Variants in KLHL15 observed in about 807,000 individuals in gnomAD.
KLHL15 encodes kelch like family member 15.
Under a neutral mutation model 29.3 loss-of-function variants are expected in KLHL15, and 1 was observed. That is an observed-to-expected ratio of 0.03 (90% CI 0.01 to 0.16). KLHL15 has a LOEUF of 0.16. Among genes scored for constraint, KLHL15 ranks in the 10% least tolerant of loss-of-function variants. KLHL15 has a pLI of 1.00. For missense variants in KLHL15, 215 were observed against 478.5 expected, an observed-to-expected ratio of 0.45 and a Z score of 5.14; for synonymous variants, 212 against 184.5, an observed-to-expected ratio of 1.15 and a Z score of -1.21.
rs1437021505 is a variant in KLHL15 at position 24,006,353 on chromosome X, A to G, written c.341T>C (p.Ile114Thr). Reference sequence around the variant, plus strand: ...AGAGCAGCAGAACTTCACCACTTCTATAAGTTGAACATACATGGCAGCCTG... The same window carrying G: ...AGAGCAGCAGAACTTCACCACTTCTGTAAGTTGAACATACATGGCAGCCTG... ...ILQAAMYVQL[I>T]EVVKFCCSFL... is the part of the protein sequence containing the mutation. Residue 114 changes from isoleucine to threonine, a missense_variant, in exon 3 of 4, where the codon ATA (isoleucine) becomes ACA (threonine). By Grantham distance (89) the Ile-to-Thr change is moderately conservative (BLOSUM62 -1). Coordinates refer to ENST00000328046, the MANE Select transcript of KLHL15 (RefSeq NM_030624.3). 1.5e-5 allele frequency: 18 copies of G among 1,209,664 alleles called. No homozygotes were observed. The highest frequency in any genetic ancestry group is 1.8e-5 in the Non-Finnish European group (16 of 894,748).
intron 2 of KLHL15, among the ~76,000 whole-genome samples, chrX:24,017,049 C>T (rs1422493561): frequency 1.8e-5 from 2 of 109,428 alleles, no homozygotes; most frequent in African/African-American, 3.3e-5. Flanking sequence ...ATCAAAACCC[C>T]GTCTCTACAA....
At chrX:23,990,993 A>G (rs1036014987) in intron 3 of KLHL15, among the ~76,000 whole-genome samples, 4 of 110,825 alleles carry the variant, frequency 3.6e-5, no homozygotes, top group African/African-American at 1.3e-4. Context: ...TGGGCTTCAC[A>G]ACATCAGCAA....
intron 3 of KLHL15, among the ~76,000 whole-genome samples, chrX:23,993,429 T>C (rs995211251): frequency 9.0e-6 from 1 of 111,519 alleles, no homozygotes; most frequent in Non-Finnish European, 1.9e-5. Context: ...CAGTTTCCTG[T>C]TGAATTTTTG....
rs766399646 is a variant in KLHL15 at position 23,989,025 on chromosome X, C to T, written c.711G>A (p.Lys237=). The T allele has an allele frequency of 3.4e-6, 4 of 1,189,241 alleles. No individual in the cohort carries two copies. Among genetic ancestry groups the T allele is most frequent in the Middle Eastern group, 2.4e-4 (1 of 4,238 alleles). ...GGGAGTATCTATAAAATTCTGATGT[C>T]TTAACCTAAGAACACAAGAAAAAGA... The part of the protein sequence containing the change: ...MTPTSVFEKV[K]TSEFYRYSRQ... The change falls in exon 4 of 4, where the codon AAG becomes AAA. Residue 237 remains lysine (K), a synonymous_variant. Transcript: ENST00000328046.
rs767545496 is a variant in KLHL15, at chrX:24,006,683, T to A, written c.11A>T (p.Asp4Val). The A allele has an allele frequency of 8.4e-7, 1 of 1,186,208 alleles. No individual in the cohort carries two copies. The highest frequency in any genetic ancestry group is 1.9e-5 in the South Asian group (1 of 53,577). ...GATGGAGGAACAGAATCCTTCCACG[T>A]CCCCTGCCATGAATCACCTGGAAAA... Reference protein sequence around the residue: MAGDVEGFCSSIHD... With the variant: MAGVVEGFCSSIHD... The change falls in exon 3 of 4, where the codon GAC becomes GTC. Residue 4 changes from aspartate (D) to valine (V), a missense_variant. Physicochemically the swap from Asp to Val is radical, Grantham distance 152. Transcript: ENST00000328046.
intron 2 of KLHL15, 70 bp downstream of exon 2, chrX:24,024,787 T>C (rs1014246192): frequency 6.7e-6 from 2 of 296,549 alleles, no homozygotes; most frequent in African/African-American, 2.7e-5. Context: ...GGCCGGCGAA[T>C]TCGTGCCTAG....
chrX:23,994,026 AAC>A (rs1929137098), intron 3 of KLHL15, among the ~76,000 whole-genome samples: 1 of 103,685 alleles, frequency 9.6e-6, no homozygotes, highest in Non-Finnish European at 2.0e-5. Flanking sequence ...CAGCCTGGGC[AAC>A]AGAGTGAGAC....
rs1386701064 is a variant in KLHL15 at position 23,984,286 on chromosome X, G to A, written c.*3635C>T. 1 of 111,720 alleles carries A rather than the reference G, an allele frequency of 9.0e-6. No individual in the cohort carries two copies. Among genetic ancestry groups the A allele is most frequent in the East Asian group, 2.8e-4 (1 of 3,604 alleles). 9.2% of individuals were successfully genotyped at this position (111,720 alleles called of 1,213,427 possible). A position where few individuals can be genotyped will look rare whatever the true frequency, so the allele number is the denominator to read the frequency against. On this transcript the variant is annotated 3_prime_UTR_variant, in exon 4 of 4. Coordinates refer to ENST00000328046, the MANE Select transcript of KLHL15 (RefSeq NM_030624.3). ...TCCAGTCTATGCCTACTGAATATTT[G>A]ACTTTATAAACTCTGGATAAACTAA...
chrX:23,985,261 A>G lies in KLHL15; in HGVS notation c.*2660T>C. 8.9e-6 allele frequency: 1 copy of G among 111,961 alleles called. No homozygotes were observed. Among genetic ancestry groups the G allele is most frequent in the Non-Finnish European group, 1.9e-5 (1 of 53,158 alleles). 9.2% of individuals were successfully genotyped at this position (111,961 alleles called of 1,213,427 possible). ...TTCAAATCTTACTGAATTTTTCAAAAAACTACTTTTTTGAGCGCAATGTAT... is the reference window on the plus strand; with the variant it reads ...TTCAAATCTTACTGAATTTTTCAAAGAACTACTTTTTTGAGCGCAATGTAT... On this transcript the variant is annotated 3_prime_UTR_variant, in exon 4 of 4. Transcript: ENST00000328046.
At chrX:24,003,498 A>G (rs1367588783) in intron 3 of KLHL15, among the ~76,000 whole-genome samples, 1 of 106,353 alleles carries the variant, frequency 9.4e-6, no homozygotes, top group Non-Finnish European at 1.9e-5. Flanking sequence ...GCTTGCAGTG[A>G]GCCTAGATCG....
At chrX:23,990,552 G>C (rs1404155642) in intron 3 of KLHL15, among the ~76,000 whole-genome samples, 2 of 111,843 alleles carry the variant, frequency 1.8e-5, no homozygotes, top group South Asian at 3.7e-4. Flanking sequence ...TAGGGTGAAA[G>C]AATGAGGACT....
chrX:23,992,131 G>A (rs1461252025), intron 3 of KLHL15, among the ~76,000 whole-genome samples: 1 of 111,977 alleles, frequency 8.9e-6, no homozygotes, highest in African/African-American at 3.2e-5. Context: ...TGGTGATTAA[G>A]GATCCAATTT....
chrX:24,023,780 A>G (rs376755378), intron 2 of KLHL15, among the ~76,000 whole-genome samples: 2 of 112,487 alleles, frequency 1.8e-5, no homozygotes, highest in East Asian at 5.5e-4. Context: ...AAAAATGAGA[A>G]TAAAATTATA....
intron 2 of KLHL15, among the ~76,000 whole-genome samples, chrX:24,018,630 T>C (rs1180431840): frequency 9.0e-6 from 1 of 111,484 alleles, no homozygotes; most frequent in Non-Finnish European, 1.9e-5. Context: ...GACAAGTGAA[T>C]CCAGTTGTCC....
intron 2 of KLHL15, among the ~76,000 whole-genome samples, chrX:24,018,292 A>G (rs765479213): frequency 4.3e-4 from 48 of 112,144 alleles, no homozygotes; most frequent in African/African-American, 1.6e-3. Context: ...AACTCTTTAA[A>G]TGAGTGCTGG....
chrX:24,013,817 A>G (rs1219804689), intron 2 of KLHL15, among the ~76,000 whole-genome samples: 1 of 110,649 alleles, frequency 9.0e-6, no homozygotes, highest in Non-Finnish European at 1.9e-5. Context: ...AGACAAGCCT[A>G]AGCAACATAG....
rs1456463390 is a variant in KLHL15, at chrX:23,988,453, A to C, written c.1283T>G (p.Leu428Trp). Residue 428 changes from leucine (L) to tryptophan (W), a missense_variant, in exon 4 of 4, where the codon TTG becomes TGG. By Grantham distance (61) the Leu-to-Trp change is moderately conservative. Transcript: ENST00000328046. ...GHEGTVLNNK[L>W]FITGGITSSS... Reference sequence around the variant, plus strand: ...TGAGGTGATTCCACCGGTGATAAACAATTTGTTATTGAGCACTGTCCCCTC... The same window carrying C: ...TGAGGTGATTCCACCGGTGATAAACCATTTGTTATTGAGCACTGTCCCCTC... 8.3e-7 allele frequency: 1 copy of C among 1,211,518 alleles called. No individual in the cohort carries two copies. The highest frequency in any genetic ancestry group is 2.2e-5 in the Admixed American group (1 of 45,999).
At chrX:24,015,595 G>T (rs776007387) in intron 2 of KLHL15, among the ~76,000 whole-genome samples, 10 of 112,672 alleles carry the variant, frequency 8.9e-5, no homozygotes, top group African/African-American at 3.2e-4. Flanking sequence ...GATGGTAGTA[G>T]TAAGTAAGGG....
intron 1 of KLHL15, among the ~76,000 whole-genome samples, chrX:24,026,609 C>G (rs1191219284): frequency 1.1e-5 from 1 of 90,633 alleles, no homozygotes; most frequent in African/African-American, 4.0e-5. Context: ...AGACCAATAT[C>G]CCGATGAACT....
Sources: gnomAD v4.1 joint callset for allele counts (sites outside exome capture counted in the v4.1 genomes callset) on GRCh38, gnomAD v4.1.1 for gene constraint, MANE v1.5 for transcripts, NCBI Gene and HGNC (gene_info 2026-07-23, HGNC 2026-07-21) for gene names.